Variants in BRIX1 observed in about 807,000 individuals in gnomAD.
BRIX1 encodes ribosome biogenesis protein BRX1 homolog.
BRIX1 carries 15 observed loss-of-function variants against 44.0 expected under a neutral mutation model. That is an observed-to-expected ratio of 0.34 (90% CI 0.23 to 0.53). The LOEUF is 0.53. Among genes scored for constraint, BRIX1 ranks in the 20% least tolerant of loss-of-function variants. The probability of loss-of-function intolerance (pLI) is 0.95; values close to 1 mark genes in which losing one functional copy is unlikely to be tolerated. For synonymous variants in BRIX1, 149 were observed against 135.4 expected (o/e 1.10, Z -0.70); for missense variants, 420 against 432.8 (o/e 0.97, Z 0.26).
intron 3 of BRIX1, chr5:34,920,122 C>T (rs1324475790): frequency 3.1e-6 from 1 of 317,960 alleles, no homozygotes; most frequent in Non-Finnish European, 5.8e-6. Flanking sequence ...AGGATTATGT[C>T]CCATTTTTTA....
chr5:34,922,405 G>T, intron 4 of BRIX1, 118 bp downstream of exon 4: 1 of 899,526 alleles, frequency 1.1e-6, no homozygotes. Context: ...GCAAACTTTT[G>T]ATTTCACGAA....
In BRIX1 at chr5:34,915,785, C is replaced by G; in HGVS notation, c.47C>G (p.Ala16Gly). 6.3e-7 allele frequency: 1 copy of G among 1,596,856 alleles called. No homozygotes were observed. The highest frequency in any genetic ancestry group is 8.5e-7 in the Non-Finnish European group (1 of 1,171,810). The change falls in exon 1 of 10, where the codon GCG (alanine) becomes GGG (glycine). Residue 16 changes from alanine (A) to glycine (G), a missense_variant. Transcript: ENST00000336767. ...CGGCGTGGAGGCTTTGCAGTTCAGG[C>G]GAAGAAGCCAAAAAGAAACGAAATA... ...RKRRGGFAVQ[A>G]KKPKRNEIDA...
In BRIX1 at chr5:34,925,267, A is replaced by C. The variant is rs1463844449; in HGVS notation, c.834A>C (p.Arg278Ser). Residue 278 changes from arginine (R) to serine (S), a missense_variant, in exon 10 of 10, where the codon AGA (arginine) becomes AGC (serine). Transcript: ENST00000336767. ...VIRSITAAKY[R>S]EKQQVKDVQK... ...GATCCATCACAGCTGCAAAATACAG[A>C]GAGAAACAGCAAGTGAAAGATGTGC... The C allele has an allele frequency of 1.2e-6, 2 of 1,611,890 alleles. No homozygotes were observed. The highest frequency in any genetic ancestry group is 2.7e-5 in the African/African-American group (2 of 74,378).
intron 5 of BRIX1, 48 bp downstream of exon 5, chr5:34,922,636 C>A (rs766071322): frequency 6.3e-7 from 1 of 1,590,692 alleles, no homozygotes; most frequent in Non-Finnish European, 8.6e-7. Flanking sequence ...TAAAAGTAAT[C>A]TTTTGAAATA....
chr5:34,920,563 A>G (rs1764217394), intron 3 of BRIX1: 1 of 152,200 alleles, frequency 6.6e-6, no homozygotes, highest in Non-Finnish European at 1.5e-5. Flanking sequence ...TGGAACTTAC[A>G]TTCTAATGGA....
At chr5:34,922,647 G>A (rs1249189278) in intron 5 of BRIX1, 48 bp from the exon 6 acceptor site, 1 of 1,594,524 alleles carries the variant, frequency 6.3e-7, no homozygotes, top group East Asian at 2.2e-5. Context: ...TTTTGAAATA[G>A]TTGTGCAAAA....
rs756367210 is a variant in BRIX1, at chr5:34,915,756, G to C, written c.18G>C (p.Arg6Ser). The change falls in exon 1 of 10, where the codon AGG becomes AGC. Residue 6 changes from arginine (R) to serine (S), a missense_variant. Physicochemically the swap from Arg to Ser is moderately radical, Grantham distance 110. Coordinates refer to ENST00000336767, the MANE Select transcript of BRIX1 (RefSeq NM_018321.4). ...GAGGCAAGATGGCGGCAACCAAGAG[G>C]AAACGGCGTGGAGGCTTTGCAGTTC... Reference protein sequence around the residue: MAATKRKRRGGFAVQA... With the variant: MAATKSKRRGGFAVQA... 2 of 1,603,708 alleles carry C rather than the reference G, an allele frequency of 1.2e-6. No homozygotes were observed. Among genetic ancestry groups the C allele is most frequent in the Non-Finnish European group, 1.7e-6 (2 of 1,175,278 alleles).
chr5:34,915,757 A>G lies in BRIX1; in HGVS notation c.19A>G (p.Lys7Glu), dbSNP rs754034017. The G allele has an allele frequency of 6.2e-7, 1 of 1,603,964 alleles. No individual in the cohort carries two copies. The highest frequency in any genetic ancestry group is 8.5e-7 in the Non-Finnish European group (1 of 1,175,404). Residue 7 changes from lysine (K) to glutamate (E), a missense_variant, in exon 1 of 10, where the codon AAA becomes GAA. Coordinates refer to ENST00000336767, the MANE Select transcript of BRIX1 (RefSeq NM_018321.4). ...AGGCAAGATGGCGGCAACCAAGAGG[A>G]AACGGCGTGGAGGCTTTGCAGTTCA... MAATKR[K>E]RRGGFAVQAK...
intron 2 of BRIX1, chr5:34,918,687 G>A (rs1764171837): frequency 6.9e-6 from 3 of 435,236 alleles, no homozygotes; most frequent in South Asian, 4.6e-5. Flanking sequence ...TTTAAAACAG[G>A]TGTCCTAATA....
chr5:34,921,167 A>G (rs371713564), intron 3 of BRIX1: 5 of 152,188 alleles, frequency 3.3e-5, no homozygotes, highest in African/African-American at 9.7e-5. Flanking sequence ...AAAGTCTTAA[A>G]TAATGTGGAG....
In BRIX1 at chr5:34,925,486, A is replaced by G. The variant is rs558526905; in HGVS notation, c.1053A>G (p.Lys351=). 1.2e-6 allele frequency: 2 copies of G among 1,610,000 alleles called. No individual in the cohort carries two copies. The highest frequency in any genetic ancestry group is 4.5e-5 in the East Asian group (2 of 44,850). ...TGAAACAGAGGATGGACAGTGGGAA[A>G]ACAAAATAAGTCAATGGAAACCTGA... is the stretch of plus-strand genomic sequence containing the variant. ...RKMKQRMDSG[K]TK is the part of the protein sequence containing the mutation. Residue 351 remains lysine, a synonymous_variant, in exon 10 of 10, where the codon AAA becomes AAG. Transcript: ENST00000336767.
Position 34,915,792 on chromosome 5 carries a change from G to T in BRIX1, c.54G>T (p.Lys18Asn), listed in dbSNP as rs776261580. ...GAGGCTTTGCAGTTCAGGCGAAGAA[G>T]CCAAAAAGAAACGAAATAGATGCGG... ...RRGGFAVQAK[K>N]PKRNEIDAEP... Residue 18 changes from lysine to asparagine, a missense_variant, in exon 1 of 10, where the codon AAG (lysine) becomes AAT (asparagine). Coordinates refer to ENST00000336767, the MANE Select transcript of BRIX1 (RefSeq NM_018321.4). 1.9e-6 allele frequency: 3 copies of T among 1,594,180 alleles called. No individual in the cohort carries two copies. The highest frequency in any genetic ancestry group is 2.6e-6 in the Non-Finnish European group (3 of 1,170,430).
In BRIX1 at chr5:34,925,487, A is replaced by C. The variant is rs1349436211; in HGVS notation, c.1054A>C (p.Thr352Pro). ...GAAACAGAGGATGGACAGTGGGAAA[A>C]CAAAATAAGTCAATGGAAACCTGAT... ...KMKQRMDSGK[T>P]K The change falls in exon 10 of 10, where the codon ACA becomes CCA. Residue 352 changes from threonine (T) to proline (P), a missense_variant. Coordinates refer to ENST00000336767, the MANE Select transcript of BRIX1 (RefSeq NM_018321.4). 2 of 1,609,404 alleles carry C rather than the reference A, an allele frequency of 1.2e-6. No homozygotes were observed. Among genetic ancestry groups the C allele is most frequent in the African/African-American group, 2.7e-5 (2 of 74,620 alleles).
rs1764200549 is a variant in BRIX1 at position 34,919,740 on chromosome 5, G to A, written c.272-100G>A. ...TAAAATCTCCTTTAAACTGAAGAGT[G>A]TAAAAACACTTTATTTTCTGGATAG... On this transcript the variant is annotated intron_variant, in intron 2 of 9. Coordinates refer to ENST00000336767, the MANE Select transcript of BRIX1 (RefSeq NM_018321.4). 1.7e-5 allele frequency: 7 copies of A among 423,946 alleles called. No individual in the cohort carries two copies. The South Asian group carries it at 3.5e-4, about 21-fold the overall frequency. 26.3% of individuals were successfully genotyped at this position (423,946 alleles called of 1,614,324 possible).
intron 8 of BRIX1, among the ~76,000 whole-genome samples, chr5:34,924,418 A>C (rs975468588): frequency 2.0e-5 from 3 of 152,206 alleles, no homozygotes; most frequent in African/African-American, 7.2e-5. Context: ...CTATTAAATA[A>C]ATTTGACTAC....
chr5:34,919,161 A>G (rs1229607548), intron 2 of BRIX1, among the ~76,000 whole-genome samples: 1 of 150,550 alleles, frequency 6.6e-6, no homozygotes, highest in Non-Finnish European at 1.5e-5. Flanking sequence ...CTGCAGTCCC[A>G]GCTACTCAGG....
rs115983341 is a variant in BRIX1, at chr5:34,925,438, G to T, written c.1005G>T (p.Arg335=). Residue 335 remains arginine (R), a synonymous_variant, in exon 10 of 10, where the codon CGG becomes CGT. Coordinates refer to ENST00000336767, the MANE Select transcript of BRIX1 (RefSeq NM_018321.4). The part of the protein sequence containing the change: ...PKVDLKARKK[R]IYKRQRKMKQ... ...TTGATTTGAAAGCAAGAAAGAAACG[G>T]ATTTACAAAAGGCAAAGAAAAATGA... 2 of 1,613,728 alleles carry T rather than the reference G, an allele frequency of 1.2e-6. No individual in the cohort carries two copies. The highest frequency in any genetic ancestry group is 1.7e-5 in the Admixed American group (1 of 60,004).
rs1764363312 is a variant in BRIX1, at chr5:34,925,663, C to T, written c.*168C>T. ...GATTATCTTTTTCTAAATAAAATAT[C>T]ACCAGAATTCATCAGTTAATTTCTG... On this transcript the variant is annotated 3_prime_UTR_variant, in exon 10 of 10. Coordinates refer to ENST00000336767, the MANE Select transcript of BRIX1 (RefSeq NM_018321.4). The T allele has an allele frequency of 1.7e-6, 1 of 577,498 alleles. No individual in the cohort carries two copies. Among genetic ancestry groups the T allele is most frequent in the African/African-American group, 1.9e-5 (1 of 52,582 alleles). The allele number at this position is 577,498 out of a possible 1,614,324, so 35.8% of individuals were successfully genotyped here.
intron 2 of BRIX1, among the ~76,000 whole-genome samples, chr5:34,919,274 C>CAAAA (rs71299559): frequency 5.6e-5 from 2 of 35,960 alleles, no homozygotes; most frequent in Admixed American, 3.8e-4. Flanking sequence ...GACCCTGTCT[C>CAAAA]AAAAAAAAAA....
Sources: allele counts gnomAD v4.1 joint callset (sites outside exome capture counted in the v4.1 genomes callset), GRCh38; gene constraint gnomAD v4.1.1; transcripts MANE v1.5; gene names NCBI Gene and HGNC (gene_info 2026-07-23, HGNC 2026-07-21).